The following SEMA3D variants were observed in gnomAD, a reference collection of about 807,000 sequenced individuals.
The protein encoded by SEMA3D is semaphorin 3D.
In SEMA3D, 84 loss-of-function variants were observed where a neutral mutation model predicts 100.1. That is an observed-to-expected ratio of 0.84 (90% CI 0.70 to 1.01). The LOEUF is 1.01. Among genes scored for constraint, SEMA3D ranks in the 50% least tolerant of loss-of-function variants. The pLI is 0.00. For missense variants in SEMA3D, 875 were observed against 934.1 expected, an observed-to-expected ratio of 0.94 and a Z score of 0.82; for synonymous variants, 312 against 320.7, an observed-to-expected ratio of 0.97 and a Z score of 0.29.
chr7:85,102,762 TAA>T (rs1353832482), intron 3 of SEMA3D, among the ~76,000 whole-genome samples: 1 of 151,976 alleles, frequency 6.6e-6, no homozygotes, highest in Non-Finnish European at 1.5e-5. Flanking sequence ...GGAAAATGTT[TAA>T]GAGCTGTTTA....
At chr7:85,238,421 G>T in the SEMA3D span, among the ~76,000 whole-genome samples, 1 of 152,128 alleles carries the variant, frequency 6.6e-6, no homozygotes, top group African/African-American at 2.4e-5. Context: ...TTTATTGCAT[G>T]TGGATGTCCA....
At chr7:85,098,910 C>T (rs1012140757) in intron 3 of SEMA3D, among the ~76,000 whole-genome samples, 2 of 151,836 alleles carry the variant, frequency 1.3e-5, no homozygotes, top group African/African-American at 2.4e-5. Context: ...TAGGATGTCA[C>T]ATAGTTTAAA....
chr7:85,067,576 T>C (rs1384090977), intron 7 of SEMA3D, among the ~76,000 whole-genome samples: 3 of 152,150 alleles, frequency 2.0e-5, no homozygotes, highest in African/African-American at 7.2e-5. Flanking sequence ...CTTATAATGG[T>C]TGAAATTCAG....
chr7:85,023,259 A>G (rs1325651916), intron 12 of SEMA3D, among the ~76,000 whole-genome samples: 1 of 151,852 alleles, frequency 6.6e-6, no homozygotes, highest in African/African-American at 2.4e-5. Flanking sequence ...AATAGTTAGC[A>G]TGACCTGCCC....
At chr7:85,236,018 C>A in the SEMA3D span, among the ~76,000 whole-genome samples, 1 of 152,054 alleles carries the variant, frequency 6.6e-6, no homozygotes, top group South Asian at 2.1e-4. Context: ...CCCTTTGAGA[C>A]CTTATGCCAT....
chr7:85,195,773 C>T, the SEMA3D span, among the ~76,000 whole-genome samples: 26 of 152,138 alleles, frequency 1.7e-4, no homozygotes, highest in Admixed American at 1.7e-3. Flanking sequence ...TTAGAATTTA[C>T]AAAGTTGAAA....
the SEMA3D span, among the ~76,000 whole-genome samples, chr7:85,234,891 C>T: frequency 6.6e-6 from 1 of 152,178 alleles, no homozygotes; most frequent in African/African-American, 2.4e-5. Flanking sequence ...AGATTTCTGT[C>T]AGATATGTCT....
rs201123647 is a variant in SEMA3D at position 85,066,913 on chromosome 7, C to CAGAGAGAGAGAGAG, written c.589+1264_589+1277dup. ...GCGCTCACACACACACACACACACA[C>CAGAGAGAGAGAGAG]AGAGAGAGAGAGAGAGAGAGAGAGA... On this transcript the variant is annotated intron_variant, in intron 7 of 18. Coordinates refer to ENST00000284136, the MANE Select transcript of SEMA3D (RefSeq NM_001384900.1). Among the ~76,000 whole-genome samples, 9 of 127,814 alleles carry CAGAGAGAGAGAGAG rather than the reference C, an allele frequency of 7.0e-5. No individual in the cohort carries two copies. In the East Asian group the frequency reaches 7.1e-4, roughly 10 times the overall value. The allele number at this position is 127,814 out of a possible 152,430, so 83.9% of individuals were successfully genotyped here. A position where few individuals can be genotyped will look rare whatever the true frequency, so the allele number is the denominator to read the frequency against.
At chr7:85,103,940 T>C (rs943300417) in intron 3 of SEMA3D, among the ~76,000 whole-genome samples, 2 of 152,056 alleles carry the variant, frequency 1.3e-5, no homozygotes, top group East Asian at 1.9e-4. Context: ...GAATTTCATA[T>C]AAACAACATG....
At chr7:85,183,716 G>A (rs561827486) in intron 1 of SEMA3D, among the ~76,000 whole-genome samples, 2 of 152,268 alleles carry the variant, frequency 1.3e-5, no homozygotes, top group East Asian at 1.9e-4. Flanking sequence ...ATCTTTTATC[G>A]TTAGTTTCTG....
intron 9 of SEMA3D, 70 bp downstream of exon 9, chr7:85,055,647 T>TAC (rs995051149): frequency 1.1e-3 from 14 of 12,420 alleles, no homozygotes; most frequent in African/African-American, 3.6e-3. Context: ...TTCATATACA[T>TAC]ATATATATAT....
chr7:85,064,973 G>A (rs1238984911), intron 8 of SEMA3D, among the ~76,000 whole-genome samples: 3 of 152,004 alleles, frequency 2.0e-5, no homozygotes, highest in South Asian at 2.1e-4. Flanking sequence ...AATCTAACCC[G>A]AGTTCATTGG....
At chr7:85,236,057 T>C in the SEMA3D span, among the ~76,000 whole-genome samples, 2 of 152,104 alleles carry the variant, frequency 1.3e-5, no homozygotes, top group African/African-American at 2.4e-5. Context: ...AATTTTCATA[T>C]GTAACTTCAG....
At chr7:85,116,651 G>A (rs1789253550) in intron 3 of SEMA3D, among the ~76,000 whole-genome samples, 1 of 151,594 alleles carries the variant, frequency 6.6e-6, no homozygotes, top group South Asian at 2.1e-4. Context: ...AGTATTTATG[G>A]TTATTGTTTT....
rs930571601 is a variant in SEMA3D, at chr7:85,004,134, C to G, written c.1908+2668G>C. On this transcript the variant is annotated intron_variant, in intron 18 of 18. Coordinates refer to ENST00000284136, the MANE Select transcript of SEMA3D (RefSeq NM_001384900.1). ...GCATCAGGGTAGGATGCGTGGGAGA[C>G]AGAAAAAACATGGAAGTGACATTAA... is the stretch of plus-strand genomic sequence containing the variant. Among the ~76,000 whole-genome samples the G allele has an allele frequency of 9.3e-5, 14 of 150,530 alleles. No individual in the cohort carries two copies. In the South Asian group the frequency reaches 2.9e-3, roughly 32 times the overall value.
chr7:85,165,580 T>C (rs1381936411), intron 1 of SEMA3D, among the ~76,000 whole-genome samples: 1 of 152,126 alleles, frequency 6.6e-6, no homozygotes, highest in Non-Finnish European at 1.5e-5. Context: ...AGTCACTTTA[T>C]TTGAGTTTAC....
At chr7:85,060,251 A>G (rs1791435324) in intron 8 of SEMA3D, among the ~76,000 whole-genome samples, 1 of 152,230 alleles carries the variant, frequency 6.6e-6, no homozygotes. Flanking sequence ...AGTTAGTGTC[A>G]AGTAGTGCTT....
chr7:85,046,810 A>C (rs1791021038), intron 9 of SEMA3D, among the ~76,000 whole-genome samples: 1 of 151,910 alleles, frequency 6.6e-6, no homozygotes, highest in African/African-American at 2.4e-5. Context: ...GGAGGTAACC[A>C]CTTTTGTACT....
chr7:85,032,068 T>C (rs1790566301), intron 12 of SEMA3D, among the ~76,000 whole-genome samples: 1 of 151,918 alleles, frequency 6.6e-6, no homozygotes, highest in South Asian at 2.1e-4. Flanking sequence ...ATTCCACTGT[T>C]TTTGGCAATA....
Sources: allele counts gnomAD v4.1 joint callset (sites outside exome capture counted in the v4.1 genomes callset), GRCh38; gene constraint gnomAD v4.1.1; transcripts MANE v1.5; gene names NCBI Gene and HGNC (gene_info 2026-07-23, HGNC 2026-07-21).